Variants in KIRREL3 observed in about 807,000 individuals in gnomAD.
KIRREL3 encodes kirre like nephrin family adhesion molecule 3.
In KIRREL3, 36 loss-of-function variants were observed where a neutral mutation model predicts 89.7. The observed-to-expected ratio is 0.40, with a 90% CI of 0.31 to 0.53. The LOEUF is 0.53. Among genes scored for constraint, KIRREL3 ranks in the 20% least tolerant of loss-of-function variants. The pLI is 0.49. For missense variants in KIRREL3, 864 were observed against 1,056.6 expected (o/e 0.82, Z 2.53); for synonymous variants, 445 against 441.4 (o/e 1.01, Z -0.10).
intron 9 of KIRREL3, 49 bp downstream of exon 9, chr11:126,446,710 G>C (rs747014025): frequency 1.9e-6 from 3 of 1,558,290 alleles, no homozygotes; most frequent in Admixed American, 1.9e-5. Flanking sequence ...TTGCTCCACT[G>C]TCCCCGCCCC....
chr11:126,854,213 T>G (rs895846448), intron 1 of KIRREL3, among the ~76,000 whole-genome samples: 23 of 151,712 alleles, frequency 1.5e-4, no homozygotes, highest in African/African-American at 5.6e-4. Context: ...TTGATACTTC[T>G]TTTTAAAAAT....
intron 1 of KIRREL3, among the ~76,000 whole-genome samples, chr11:126,745,888 T>A (rs1391586353): frequency 3.9e-5 from 6 of 152,150 alleles, no homozygotes; most frequent in Non-Finnish European, 8.8e-5. Context: ...AATGTACAAG[T>A]CCCTCCCTGC....
intron 1 of KIRREL3, among the ~76,000 whole-genome samples, chr11:126,901,070 T>G (rs1946349985): frequency 6.6e-6 from 1 of 151,972 alleles, no homozygotes; most frequent in African/African-American, 2.4e-5. Flanking sequence ...AAAAATTAAC[T>G]GTGCATGGTG....
chr11:126,933,988 A>T (rs1002447404), intron 1 of KIRREL3, among the ~76,000 whole-genome samples: 5 of 89,796 alleles, frequency 5.6e-5, no homozygotes, highest in African/African-American at 2.2e-4. Context: ...AATGCAAAGG[A>T]TCTGGAAAAG....
chr11:126,923,201 CTTCTTCTTCT>C (rs1565423386), intron 1 of KIRREL3, among the ~76,000 whole-genome samples: 231 of 17,238 alleles, frequency 0.013, 60 homozygotes, highest in East Asian at 0.056. Flanking sequence ...TCTTCTTCTT[CTTCTTCTTCT>C]TCTTCTTCTT....
At position 126,489,394 on chromosome 11, in the gene KIRREL3, T is replaced by A. The variant is rs1957450846; in HGVS notation, c.434-15928A>T. ...AAGAGACGCCTGCATCAGGTGGGAG[T>A]TAGGTGGGGAAAACAAAGCTTCCAG... is the stretch of plus-strand genomic sequence containing the variant. On this transcript the variant is annotated intron_variant, in intron 4 of 16. Transcript: ENST00000525144. The surrounding 1 kb of genome is among the most constrained non-coding windows in gnomAD (Gnocchi z 5.5). Among the ~76,000 whole-genome samples, 1 of 151,402 alleles carries A rather than the reference T, an allele frequency of 6.6e-6. No individual in the cohort carries two copies.
chr11:126,565,404 A>T lies in KIRREL3; in HGVS notation c.56-2492T>A, dbSNP rs907386989. On this transcript the variant is annotated intron_variant, in intron 1 of 16. Coordinates refer to ENST00000525144, the MANE Select transcript of KIRREL3 (RefSeq NM_032531.4). The surrounding 1 kb of genome is among the most constrained non-coding windows in gnomAD (Gnocchi z 5.4). Reference sequence around the variant, plus strand: ...GCAAATGAGCAGGAAAAGAAGTTTTAAAAAACCTGATTAATAAAAGAAATT... The same window carrying T: ...GCAAATGAGCAGGAAAAGAAGTTTTTAAAAACCTGATTAATAAAAGAAATT... Among the ~76,000 whole-genome samples the T allele has an allele frequency of 6.6e-6, 1 of 152,204 alleles. No homozygotes were observed. Among genetic ancestry groups the T allele is most frequent in the Non-Finnish European group, 1.5e-5 (1 of 68,046 alleles).
At chr11:126,973,099 G>GA (rs763115363) in intron 1 of KIRREL3, among the ~76,000 whole-genome samples, 744 of 41,074 alleles carry the variant, frequency 0.018, 7 homozygotes, top group African/African-American at 0.041. Context: ...TAAGTTTTGA[G>GA]GAAAAAAAAA....
intron 1 of KIRREL3, among the ~76,000 whole-genome samples, chr11:126,785,463 G>T (rs1355074834): frequency 6.6e-6 from 1 of 152,084 alleles, no homozygotes; most frequent in Non-Finnish European, 1.5e-5. Flanking sequence ...CCAGGGGAGT[G>T]GGAGGGGCTT....
intron 1 of KIRREL3, among the ~76,000 whole-genome samples, chr11:126,911,835 T>G (rs1475802195): frequency 6.6e-6 from 1 of 150,854 alleles, no homozygotes; most frequent in Admixed American, 6.6e-5. Context: ...TCCAAAAAAT[T>G]AGCCGGGCGC....
Position 126,702,260 on chromosome 11 carries a change from A to G in KIRREL3, c.56-139348T>C, listed in dbSNP as rs145896324. On this transcript the variant is annotated intron_variant, in intron 1 of 16. Coordinates refer to ENST00000525144, the MANE Select transcript of KIRREL3 (RefSeq NM_032531.4). ...GGGCCTGTCACATAGAATGTACCCT[A>G]TTGATGGTAGCTGCAGGTATATTAC... Among the ~76,000 whole-genome samples the G allele has an allele frequency of 2.5e-3, 381 of 152,316 alleles. 2 individuals are homozygous for G. The highest frequency in any genetic ancestry group is 8.8e-3 in the African/African-American group (364 of 41,584).
In KIRREL3 at chr11:126,976,564, G is replaced by T. The variant is rs1263821956; in HGVS notation, c.55+23891C>A. On this transcript the variant is annotated intron_variant, in intron 1 of 16. Coordinates refer to ENST00000525144, the MANE Select transcript of KIRREL3 (RefSeq NM_032531.4). This position sits in a 1 kb window ranked among gnomAD's most constrained non-coding sequence, Gnocchi z 4.2. ...TATTATTCACCCAGAATGGTACCAGGATCATATTTTCAAACGGTTTCAGTG... is the reference window on the plus strand; with the variant it reads ...TATTATTCACCCAGAATGGTACCAGTATCATATTTTCAAACGGTTTCAGTG... Among the ~76,000 whole-genome samples, 1 of 152,034 alleles carries T rather than the reference G, an allele frequency of 6.6e-6. No homozygotes were observed. Among genetic ancestry groups the T allele is most frequent in the Non-Finnish European group, 1.5e-5 (1 of 68,024 alleles).
intron 6 of KIRREL3, among the ~76,000 whole-genome samples, chr11:126,458,571 C>T (rs2134241303): frequency 6.6e-6 from 1 of 152,332 alleles, no homozygotes; most frequent in African/African-American, 2.4e-5. Context: ...AGAGATGGCC[C>T]CAGGGCTGTG....
In KIRREL3 at chr11:126,676,410, C is replaced by G. The variant is rs528312389; in HGVS notation, c.56-113498G>C. 6.6e-6 allele frequency among the ~76,000 whole-genome samples: 1 copy of G among 152,310 alleles called. No individual in the cohort carries two copies. The highest frequency in any genetic ancestry group is 1.5e-5 in the Non-Finnish European group (1 of 68,014). On this transcript the variant is annotated intron_variant, in intron 1 of 16. Coordinates refer to ENST00000525144, the MANE Select transcript of KIRREL3 (RefSeq NM_032531.4). This position sits in a 1 kb window ranked among gnomAD's most constrained non-coding sequence, Gnocchi z 4.5. ...CTAGAATTCTCTCCTACCCTGGGGC[C>G]TCTCTAGTCCCCCAGGGCCACTGGG...
At chr11:126,589,521 C>T (rs1324234930) in intron 1 of KIRREL3, among the ~76,000 whole-genome samples, 3 of 152,204 alleles carry the variant, frequency 2.0e-5, no homozygotes, top group Non-Finnish European at 2.9e-5. Flanking sequence ...GTTTTTTCCC[C>T]TTGGTCTTAA....
In KIRREL3 at chr11:126,527,795, G is replaced by A. The variant is rs1029713191; in HGVS notation, c.134-1108C>T. On this transcript the variant is annotated intron_variant, in intron 2 of 16. Coordinates refer to ENST00000525144, the MANE Select transcript of KIRREL3 (RefSeq NM_032531.4). The surrounding 1 kb of genome is among the most constrained non-coding windows in gnomAD (Gnocchi z 4.2). The stretch of plus-strand genomic sequence containing the variant: ...GGTGAATCCAAGTCTTTCTGGCTCT[G>A]AAGACCATGCTCTCCCCTACTGAGC... Among the ~76,000 whole-genome samples the A allele has an allele frequency of 2.0e-5, 3 of 152,090 alleles. No homozygotes were observed. Among genetic ancestry groups the A allele is most frequent in the Admixed American group, 6.5e-5 (1 of 15,274 alleles).
chr11:126,741,535 G>T (rs1466875498), intron 1 of KIRREL3, among the ~76,000 whole-genome samples: 1 of 152,170 alleles, frequency 6.6e-6, no homozygotes, highest in Admixed American at 6.5e-5. Flanking sequence ...AATGCGTCTT[G>T]ATCTTCAAAG....
chr11:126,811,834 G>A lies in KIRREL3; in HGVS notation c.55+188621C>T, dbSNP rs184099401. ...ACTCCTGAACTCGGGTGATCCACCC[G>A]CCTTGGCCTCATAAAGTGCTGGGAT... On this transcript the variant is annotated intron_variant, in intron 1 of 16. Transcript: ENST00000525144. The surrounding 1 kb of genome is among the most constrained non-coding windows in gnomAD (Gnocchi z 4.3). 1.3e-3 allele frequency among the ~76,000 whole-genome samples: 205 copies of A among 152,214 alleles called. 1 individual carries two copies. The highest frequency in any genetic ancestry group is 4.8e-3 in the African/African-American group (199 of 41,526).
At chr11:126,536,287 C>T (rs965642052) in intron 2 of KIRREL3, among the ~76,000 whole-genome samples, 7 of 151,282 alleles carry the variant, frequency 4.6e-5, no homozygotes, top group Admixed American at 1.3e-4. Context: ...GTGTGTGTAT[C>T]GGATAGGAAG....
Sources: gnomAD v4.1 joint callset for allele counts (sites outside exome capture counted in the v4.1 genomes callset) on GRCh38, gnomAD v4.1.1 for gene constraint, Gnocchi (gnomAD v3.1) non-coding constraint, MANE v1.5 for transcripts, NCBI Gene and HGNC (gene_info 2026-07-23, HGNC 2026-07-21) for gene names.